Variants in PDE1C observed in about 807,000 individuals in gnomAD.
PDE1C encodes dual specificity calcium/calmodulin-dependent 3',5'-cyclic nucleotide phosphodiesterase 1C.
PDE1C carries 62 observed loss-of-function variants against 93.1 expected under a neutral mutation model. The ratio of observed to expected loss-of-function variants is 0.67; its 90% CI spans 0.54 to 0.82. The LOEUF is 0.82. Ranked by LOEUF, PDE1C falls within the 40% of genes least tolerant of loss-of-function variation. The pLI, the probability that PDE1C is intolerant of heterozygous loss-of-function variation, is 0.00. For synonymous variants in PDE1C, 325 were observed against 310.1 expected (o/e 1.05, Z -0.50); for missense variants, 742 against 884.6 (o/e 0.84, Z 2.04).
At chr7:31,823,980 G>A (rs746480038) in intron 13 of PDE1C, among the ~76,000 whole-genome samples, 4 of 152,100 alleles carry the variant, frequency 2.6e-5, no homozygotes, top group Non-Finnish European at 5.9e-5. Context: ...GTGGGGCCAT[G>A]GGGACTCTGG....
At chr7:32,131,248 T>C (rs1215531248) in intron 3 of PDE1C, among the ~76,000 whole-genome samples, 1 of 152,176 alleles carries the variant, frequency 6.6e-6, no homozygotes, top group Non-Finnish European at 1.5e-5. Context: ...GCATTTATCA[T>C]GCAAGATAGC....
At chr7:31,633,250 G>A in the PDE1C span, among the ~76,000 whole-genome samples, 1 of 152,184 alleles carries the variant, frequency 6.6e-6, no homozygotes. Context: ...CTTTGGGAAA[G>A]GAGTTCGACA....
chr7:31,719,706 A>G, the PDE1C span, among the ~76,000 whole-genome samples: 1,575 of 152,290 alleles, frequency 0.01, 9 homozygotes, highest in Non-Finnish European at 0.017. Flanking sequence ...TAAATTCCAC[A>G]CATTAATTTA....
chr7:31,839,990 T>C (rs1206111195), intron 9 of PDE1C, among the ~76,000 whole-genome samples: 1 of 152,158 alleles, frequency 6.6e-6, no homozygotes, highest in Non-Finnish European at 1.5e-5. Context: ...TGAGGTGATA[T>C]CATGCCACTG....
intron 2 of PDE1C, among the ~76,000 whole-genome samples, chr7:32,040,327 G>C (rs1023251473): frequency 6.6e-6 from 1 of 152,138 alleles, no homozygotes; most frequent in African/African-American, 2.4e-5. Flanking sequence ...CCTCAACATT[G>C]GCACTCTAAC....
intron 9 of PDE1C, among the ~76,000 whole-genome samples, chr7:31,838,444 T>G (rs938475311): frequency 1.3e-5 from 2 of 152,174 alleles, no homozygotes; most frequent in African/African-American, 4.8e-5. Flanking sequence ...GTTACCTCAC[T>G]TCCAGCACAG....
intron 2 of PDE1C, among the ~76,000 whole-genome samples, chr7:31,973,512 C>T (rs950630101): frequency 2.0e-5 from 3 of 152,168 alleles, no homozygotes; most frequent in Admixed American, 6.5e-5. Context: ...TGCATAACAA[C>T]AGCTCTGACA....
the PDE1C span, chr7:31,643,671 A>C: frequency 6.2e-7 from 1 of 1,613,946 alleles, no homozygotes; most frequent in African/African-American, 1.3e-5. Context: ...CTTCAGCTCT[A>C]AGCAACAAGA....
intron 2 of PDE1C, among the ~76,000 whole-genome samples, chr7:31,959,188 T>C (rs370695800): frequency 2.7e-5 from 4 of 149,866 alleles, no homozygotes; most frequent in African/African-American, 4.9e-5. Context: ...TTGTTTTTTG[T>C]TTTTTGTTTT....
At position 31,877,973 on chromosome 7, in the gene PDE1C, T is replaced by C. The variant is rs758343492; in HGVS notation, c.489A>G (p.Leu163=). 6.2e-7 allele frequency: 1 copy of C among 1,607,970 alleles called. No individual in the cohort carries two copies. Among genetic ancestry groups the C allele is most frequent in the South Asian group, 1.1e-5 (1 of 90,856 alleles). Residue 163 remains leucine (L), a synonymous_variant, in exon 5 of 18, where the codon TTA becomes TTG. Coordinates refer to ENST00000396191, the MANE Select transcript of PDE1C (RefSeq NM_001191057.4). ...LSYPPAVIEA[L]KDVDKWSFDV... ...AAAATCTTTTCACTCGTATTACCTTTAATGCCTCAATAACAGCTGGTGGAT... is the reference window on the plus strand; with the variant it reads ...AAAATCTTTTCACTCGTATTACCTTCAATGCCTCAATAACAGCTGGTGGAT...
intron 16 of PDE1C, chr7:31,787,594 G>A (rs904024157): frequency 1.3e-5 from 2 of 151,714 alleles, no homozygotes; most frequent in African/African-American, 2.4e-5. Flanking sequence ...GCATGGTTTC[G>A]TCTGTGGTAG....
intron 2 of PDE1C, among the ~76,000 whole-genome samples, chr7:32,004,375 C>T (rs192937402): frequency 3.5e-4 from 53 of 152,168 alleles, no homozygotes; most frequent in African/African-American, 1.2e-3. Context: ...GAAAAGGTAA[C>T]CAAGGGGTCC....
At chr7:31,850,322 C>A (rs933792329) in intron 8 of PDE1C, among the ~76,000 whole-genome samples, 1 of 152,062 alleles carries the variant, frequency 6.6e-6, no homozygotes. Context: ...TGGGCCTTTA[C>A]GTAAACTGCC....
At chr7:32,173,346 C>T (rs565837050) in intron 2 of PDE1C, among the ~76,000 whole-genome samples, 1 of 152,120 alleles carries the variant, frequency 6.6e-6, no homozygotes, top group East Asian at 1.9e-4. Flanking sequence ...GAACAACACA[C>T]ACCAGAGCCT....
Position 31,918,483 on chromosome 7 carries a change from C to T in PDE1C, c.129-37623G>A, listed in dbSNP as rs573204755. Among the ~76,000 whole-genome samples the T allele has an allele frequency of 2.0e-4, 30 of 152,274 alleles. No individual in the cohort carries two copies. The South Asian group carries it at 2.1e-3, about 11-fold the overall frequency. On this transcript the variant is annotated intron_variant, in intron 2 of 17. Transcript: ENST00000396191. ...GGAGAAAGAGCTGCTTAGCTGTGCA[C>T]GTTGAGGAGGTGATCTGGAAATCTG...
At chr7:31,865,188 TG>T in intron 6 of PDE1C, 106 bp from the exon 7 acceptor site, 1 of 1,031,194 alleles carries the variant, frequency 9.7e-7, no homozygotes, top group South Asian at 1.7e-5. Context: ...GCATAACACA[TG>T]AGGAAATTGG....
At chr7:32,060,737 T>C (rs545988573) in intron 1 of PDE1C, among the ~76,000 whole-genome samples, 87 of 152,182 alleles carry the variant, frequency 5.7e-4, no homozygotes, top group Non-Finnish European at 1.1e-3. Flanking sequence ...CAATGACTAA[T>C]TTCAGTCAGT....
At chr7:32,314,222 A>C (rs1260537935) in intron 1 of PDE1C, among the ~76,000 whole-genome samples, 2 of 152,204 alleles carry the variant, frequency 1.3e-5, no homozygotes, top group Non-Finnish European at 2.9e-5. Context: ...AATATAATTT[A>C]CTGAGGAGGT....
chr7:32,005,584 A>AAAAAAAAAAAAAAAT (rs1554461626), intron 2 of PDE1C, among the ~76,000 whole-genome samples: 1 of 149,136 alleles, frequency 6.7e-6, no homozygotes, highest in Non-Finnish European at 1.5e-5. Context: ...AAAAAAAAGA[A>AAAAAAAAAAAAAAAT]TTGTGATCTG....
Sources: gnomAD v4.1 joint callset for allele counts (sites outside exome capture counted in the v4.1 genomes callset) on GRCh38, gnomAD v4.1.1 for gene constraint, MANE v1.5 for transcripts, NCBI Gene and HGNC (gene_info 2026-07-23, HGNC 2026-07-21) for gene names.